The following PLBD1 variants were observed in gnomAD, a reference collection of about 807,000 sequenced individuals.
The protein encoded by PLBD1 is phospholipase B domain containing 1.
PLBD1 carries 60 observed loss-of-function variants against 63.0 expected under a neutral mutation model. The ratio of observed to expected loss-of-function variants is 0.95; its 90% CI spans 0.77 to 1.18. The LOEUF (loss-of-function observed/expected upper bound fraction) is 1.18, where lower values mean the gene tolerates loss of function less well. PLBD1 is among the 50% of genes most tolerant of loss of function. The probability of loss-of-function intolerance (pLI) is 0.00; values close to 1 mark genes in which losing one functional copy is unlikely to be tolerated. For synonymous variants in PLBD1, 262 were observed against 248.0 expected (o/e 1.06, Z -0.53); for missense variants, 598 against 677.9 (o/e 0.88, Z 1.31).
intron 1 of PLBD1, among the ~76,000 whole-genome samples, chr12:14,559,987 A>G (rs1043315806): frequency 6.6e-6 from 1 of 151,814 alleles, no homozygotes; most frequent in African/African-American, 2.4e-5. Flanking sequence ...CAGCCTCCCA[A>G]GTTGCTGGGA....
chr12:14,504,001 A>C (rs1945227441), intron 10 of PLBD1, 47 bp from the exon 11 acceptor site: 2 of 1,535,052 alleles, frequency 1.3e-6, no homozygotes, highest in African/African-American at 1.4e-5. Flanking sequence ...ATCGTTCAGC[A>C]AAAAATTAAA....
chr12:14,553,712 C>A, intron 1 of PLBD1: 1 of 446,662 alleles, frequency 2.2e-6, no homozygotes, highest in Non-Finnish European at 4.1e-6. Flanking sequence ...AGGGCTGGAG[C>A]TGGACCTTAC....
At chr12:14,564,180 T>G (rs1945763777) in intron 1 of PLBD1, among the ~76,000 whole-genome samples, 1 of 152,180 alleles carries the variant, frequency 6.6e-6, no homozygotes, top group South Asian at 2.1e-4. Flanking sequence ...TACTCCAGCC[T>G]GGGTGACAGA....
chr12:14,535,752 A>C lies in PLBD1; in HGVS notation c.751T>G (p.Tyr251Asp), dbSNP rs929420086. ...TTATATATCCTGAGCATGGCTGCAT[A>C]CGTGTACCAGCTTGAGTGAGCAAAA... is the stretch of plus-strand genomic sequence containing the variant. ...ILFAHSSWYT[Y>D]AAMLRIYKHW... The change falls in exon 6 of 11, where the codon TAT (tyrosine) becomes GAT (aspartate). Residue 251 changes from tyrosine (Y) to aspartate (D), a missense_variant. By Grantham distance (160) the Tyr-to-Asp change is radical (BLOSUM62 -3). Transcript: ENST00000240617. 1.9e-6 allele frequency: 3 copies of C among 1,613,968 alleles called. No individual in the cohort carries two copies. The African/African-American group carries it at 4.0e-5, about 22-fold the overall frequency.
intron 1 of PLBD1, among the ~76,000 whole-genome samples, chr12:14,556,193 A>G (rs1945702112): frequency 6.6e-6 from 1 of 152,218 alleles, no homozygotes; most frequent in South Asian, 2.1e-4. Flanking sequence ...GCTGAGACTC[A>G]GTGGATGGAT....
At chr12:14,560,633 T>C (rs1945737527) in intron 1 of PLBD1, among the ~76,000 whole-genome samples, 1 of 152,222 alleles carries the variant, frequency 6.6e-6, no homozygotes, top group Non-Finnish European at 1.5e-5. Context: ...TTTTGACTCT[T>C]CATCGGAGTC....
intron 6 of PLBD1, among the ~76,000 whole-genome samples, chr12:14,512,881 G>A (rs1422224425): frequency 6.6e-6 from 1 of 152,162 alleles, no homozygotes; most frequent in Non-Finnish European, 1.5e-5. Context: ...CTGTCTACGA[G>A]AAACAGACCC....
At chr12:14,520,606 C>T (rs1001918367) in intron 6 of PLBD1, among the ~76,000 whole-genome samples, 4 of 152,104 alleles carry the variant, frequency 2.6e-5, no homozygotes, top group African/African-American at 9.7e-5. Flanking sequence ...AAGGAGAACA[C>T]TAAAGTGTTC....
At chr12:14,561,647 C>T (rs1391366097) in intron 1 of PLBD1, among the ~76,000 whole-genome samples, 4 of 152,170 alleles carry the variant, frequency 2.6e-5, no homozygotes, top group East Asian at 3.9e-4. Context: ...CTCCGCATCC[C>T]GGGTTCAAGC....
chr12:14,551,015 C>T (rs1208988986), intron 2 of PLBD1, among the ~76,000 whole-genome samples: 2 of 151,896 alleles, frequency 1.3e-5, no homozygotes, highest in Non-Finnish European at 2.9e-5. Context: ...TGCACTCCAG[C>T]CTGGTAACAG....
At chr12:14,525,680 T>C (rs1369010915) in intron 6 of PLBD1, among the ~76,000 whole-genome samples, 1 of 92,504 alleles carries the variant, frequency 1.1e-5, no homozygotes, top group Non-Finnish European at 2.2e-5. Flanking sequence ...AGCTTACTTC[T>C]CAACACACAC....
chr12:14,534,205 A>G (rs1350689677), intron 6 of PLBD1, among the ~76,000 whole-genome samples: 2 of 152,210 alleles, frequency 1.3e-5, no homozygotes, highest in African/African-American at 4.8e-5. Context: ...AAAGGTAGAT[A>G]GATATGACAG....
chr12:14,532,251 G>A (rs1231304709), intron 6 of PLBD1, among the ~76,000 whole-genome samples: 1 of 152,148 alleles, frequency 6.6e-6, no homozygotes, highest in South Asian at 2.1e-4. Context: ...AAGATTTGCT[G>A]CAAAGGCCCG....
At chr12:14,563,002 T>A (rs1477231) in intron 1 of PLBD1, among the ~76,000 whole-genome samples, 150,965 of 152,316 alleles carry the variant, frequency 0.99, 74,824 homozygotes, top group Middle Eastern at 1. Context: ...CCACCATGAA[T>A]TTTTTTTAAA....
chr12:14,504,537 A>C (rs907064079), intron 10 of PLBD1, among the ~76,000 whole-genome samples: 4 of 152,246 alleles, frequency 2.6e-5, no homozygotes, highest in African/African-American at 9.6e-5. Flanking sequence ...TTTAAAAATC[A>C]CTTAACCCCT....
chr12:14,516,540 A>T (rs1245543423), intron 6 of PLBD1, among the ~76,000 whole-genome samples: 1 of 152,176 alleles, frequency 6.6e-6, no homozygotes, highest in Non-Finnish European at 1.5e-5. Context: ...AGCAAGCTCC[A>T]TAGGAAAAAT....
intron 6 of PLBD1, among the ~76,000 whole-genome samples, chr12:14,531,483 A>G (rs1228758948): frequency 6.6e-6 from 1 of 152,214 alleles, no homozygotes; most frequent in African/African-American, 2.4e-5. Flanking sequence ...CCACAAATGC[A>G]AGCCTTACCC....
At chr12:14,562,423 G>T (rs188644907) in intron 1 of PLBD1, among the ~76,000 whole-genome samples, 1 of 146,642 alleles carries the variant, frequency 6.8e-6, no homozygotes, top group Non-Finnish European at 1.5e-5. Flanking sequence ...TTGCAGCACT[G>T]CGGTCCAGCC....
chr12:14,516,352 C>CA (rs1945337073), intron 6 of PLBD1, among the ~76,000 whole-genome samples: 1 of 151,950 alleles, frequency 6.6e-6, no homozygotes, highest in South Asian at 2.1e-4. Flanking sequence ...AACAAACAAA[C>CA]AACAACAACA....
Sources: gnomAD v4.1 joint callset for allele counts (sites outside exome capture counted in the v4.1 genomes callset) on GRCh38, gnomAD v4.1.1 for gene constraint, MANE v1.5 for transcripts, NCBI Gene and HGNC (gene_info 2026-07-23, HGNC 2026-07-21) for gene names.